Variants in UBASH3B observed in about 807,000 individuals in gnomAD.
UBASH3B encodes ubiquitin-associated and SH3 domain-containing protein B.
A neutral mutation model predicts 83.4 loss-of-function variants in UBASH3B; 37 were observed. The observed-to-expected ratio is 0.44, with a 90% CI of 0.34 to 0.58. The LOEUF is 0.58. Among genes scored for constraint, UBASH3B ranks in the 20% least tolerant of loss-of-function variants. UBASH3B has a pLI of 0.01. For missense variants in UBASH3B, 657 were observed against 827.2 expected (o/e 0.79, Z 2.52); for synonymous variants, 304 against 318.3 (o/e 0.96, Z 0.48).
At chr11:122,786,121 C>T (rs1238604748) in intron 5 of UBASH3B, among the ~76,000 whole-genome samples, 1 of 152,108 alleles carries the variant, frequency 6.6e-6, no homozygotes, top group East Asian at 1.9e-4. Context: ...GCAATCTCGG[C>T]TCACTGCAAC....
chr11:122,715,727 C>T (rs1008097850), intron 1 of UBASH3B, among the ~76,000 whole-genome samples: 1 of 152,212 alleles, frequency 6.6e-6, no homozygotes, highest in African/African-American at 2.4e-5. Flanking sequence ...AAAATCCAAA[C>T]ATCCAGCAGA....
At chr11:122,682,103 C>G (rs1863748518) in intron 1 of UBASH3B, among the ~76,000 whole-genome samples, 1 of 152,226 alleles carries the variant, frequency 6.6e-6, no homozygotes, top group Non-Finnish European at 1.5e-5. Flanking sequence ...TCGGAGGGAT[C>G]ACTGCGAGGA....
chr11:122,756,264 A>G (rs1861281459), intron 1 of UBASH3B, among the ~76,000 whole-genome samples: 1 of 152,236 alleles, frequency 6.6e-6, no homozygotes. Flanking sequence ...ACATCTCGAT[A>G]ATTAGAGCCA....
chr11:122,751,534 A>G (rs1861199630), intron 1 of UBASH3B, among the ~76,000 whole-genome samples: 1 of 152,180 alleles, frequency 6.6e-6, no homozygotes, highest in Non-Finnish European at 1.5e-5. Context: ...AGCCTACCCT[A>G]TAATTAGGTG....
In UBASH3B at chr11:122,758,394, G is replaced by C. The variant is rs540121191; in HGVS notation, c.162-17825G>C. 5.7e-4 allele frequency among the ~76,000 whole-genome samples: 87 copies of C among 152,332 alleles called. No homozygotes were observed. The highest frequency in any genetic ancestry group is 2.3e-3 in the South Asian group (11 of 4,826). On this transcript the variant is annotated intron_variant, in intron 1 of 13. Transcript: ENST00000284273. The surrounding 1 kb of genome is among the most constrained non-coding windows in gnomAD (Gnocchi z 4.2). ...CAGAGTAGAATTTCCTGAGATTTCA[G>C]CTGCAGAGTAAGCCTCCAGAGCATC...
chr11:122,807,691 C>G (rs1861365137), intron 12 of UBASH3B, among the ~76,000 whole-genome samples: 1 of 152,058 alleles, frequency 6.6e-6, no homozygotes, highest in Non-Finnish European at 1.5e-5. Flanking sequence ...GCTGGGACTG[C>G]AGGCACAGGC....
At position 122,777,056 on chromosome 11, in the gene UBASH3B, A is replaced by C; in HGVS notation, c.248A>C (p.Asp83Ala). The change falls in exon 3 of 14, where the codon GAT (aspartate) becomes GCT (alanine). Residue 83 changes from aspartate (D) to alanine (A), a missense_variant. Around this residue, in one of 3 missense-constraint regions of UBASH3B, gnomAD observed 573 missense variants for 739.0 expected, o/e 0.78. Coordinates refer to ENST00000284273, the MANE Select transcript of UBASH3B (RefSeq NM_032873.5). ...LFSHVGDPFL[D>A]DPLPREYVLY... Reference sequence around the variant, plus strand: ...TCCCATGTCGGTGACCCCTTCCTGGATGACCCCCTGCCCCGGGAGTACGTC... The same window carrying C: ...TCCCATGTCGGTGACCCCTTCCTGGCTGACCCCCTGCCCCGGGAGTACGTC... 1 of 1,612,680 alleles carries C rather than the reference A, an allele frequency of 6.2e-7. No individual in the cohort carries two copies. Among genetic ancestry groups the C allele is most frequent in the Non-Finnish European group, 8.5e-7 (1 of 1,179,404 alleles).
At chr11:122,750,567 A>C (rs1361933435) in intron 1 of UBASH3B, among the ~76,000 whole-genome samples, 1 of 152,228 alleles carries the variant, frequency 6.6e-6, no homozygotes, top group Admixed American at 6.5e-5. Flanking sequence ...AAAAAGAATT[A>C]TTTCCAAAGG....
At chr11:122,794,856 A>G in intron 7 of UBASH3B, 22 bp downstream of exon 7, 1 of 1,612,664 alleles carries the variant, frequency 6.2e-7, no homozygotes, top group Non-Finnish European at 8.5e-7. Flanking sequence ...TGCTAGGGTC[A>G]CACCCCCAAC....
At chr11:122,776,959 T>C (rs1860746143) in intron 2 of UBASH3B, 65 bp from the exon 3 acceptor site, 1 of 1,454,980 alleles carries the variant, frequency 6.9e-7, no homozygotes. Context: ...GATCTGTCTC[T>C]CAGTTCTTTT....
At chr11:122,803,488 A>G (rs533316869) in intron 11 of UBASH3B, among the ~76,000 whole-genome samples, 1 of 152,290 alleles carries the variant, frequency 6.6e-6, no homozygotes, top group South Asian at 2.1e-4. Flanking sequence ...GAAGCTAACC[A>G]GGCTGGTGAC....
At chr11:122,729,395 T>G (rs1319567380) in intron 1 of UBASH3B, among the ~76,000 whole-genome samples, 1 of 152,114 alleles carries the variant, frequency 6.6e-6, no homozygotes, top group African/African-American at 2.4e-5. Context: ...CCTGCTGAAG[T>G]CAGGACCTTC....
rs1861339624 is a variant in UBASH3B at position 122,806,341 on chromosome 11, T to C, written c.1596-69T>C. The C allele has an allele frequency of 1.5e-6, 2 of 1,335,096 alleles. No homozygotes were observed. Among genetic ancestry groups the C allele is most frequent in the East Asian group, 4.7e-5 (2 of 42,408 alleles). The allele number at this position is 1,335,096 out of a possible 1,614,324, so 82.7% of individuals were successfully genotyped here. A position where few individuals can be genotyped will look rare whatever the true frequency, so the allele number is the denominator to read the frequency against. ...TTAGAAATGCCTTGAAATAAAAGTT[T>C]AGAGTGATATCTTCCTTTGTCTCAA... On this transcript the variant is annotated intron_variant, in intron 11 of 13. Transcript: ENST00000284273. This position sits in a 1 kb window ranked among gnomAD's most constrained non-coding sequence, Gnocchi z 4.0.
intron 1 of UBASH3B, among the ~76,000 whole-genome samples, chr11:122,748,221 C>T (rs1230789433): frequency 6.6e-6 from 1 of 152,264 alleles, no homozygotes; most frequent in Non-Finnish European, 1.5e-5. Context: ...TGGACAACTT[C>T]AGACCGTCAT....
intron 11 of UBASH3B, among the ~76,000 whole-genome samples, chr11:122,805,823 T>C: frequency 6.6e-6 from 1 of 152,174 alleles, no homozygotes. Context: ...ATCAATAACC[T>C]CTTCACCCCA....
chr11:122,655,881 A>C lies in UBASH3B; in HGVS notation c.-169A>C. On this transcript the variant is annotated 5_prime_UTR_variant, in exon 1 of 14. Coordinates refer to ENST00000284273, the MANE Select transcript of UBASH3B (RefSeq NM_032873.5). Reference sequence around the variant, plus strand: ...TCTGGCTCCTGTGGCCTCACCAGGAAGCGTCAGAGTCCCGACACTGGGGAA... The same window carrying C: ...TCTGGCTCCTGTGGCCTCACCAGGACGCGTCAGAGTCCCGACACTGGGGAA... 1 of 704,170 alleles carries C rather than the reference A, an allele frequency of 1.4e-6. No homozygotes were observed. Among genetic ancestry groups the C allele is most frequent in the Non-Finnish European group, 2.2e-6 (1 of 464,994 alleles). 43.6% of individuals were successfully genotyped at this position (704,170 alleles called of 1,614,324 possible).
chr11:122,768,470 ATGTGTGTGTGTGTGTGTG>A (rs568912747), intron 1 of UBASH3B, among the ~76,000 whole-genome samples: 13 of 140,076 alleles, frequency 9.3e-5, no homozygotes, highest in African/African-American at 3.5e-4. Flanking sequence ...ATATATATGT[ATGTGTGTGTGTGTGTGTG>A]TGTGTGTGTG....
chr11:122,774,106 G>A (rs556216839), intron 1 of UBASH3B: 1 of 985,224 alleles, frequency 1.0e-6, no homozygotes, highest in Admixed American at 6.1e-5. Context: ...AGTAAGTCGT[G>A]AGGAAACAGA....
intron 1 of UBASH3B, among the ~76,000 whole-genome samples, chr11:122,681,186 A>G (rs946476447): frequency 6.6e-5 from 10 of 152,258 alleles, no homozygotes; most frequent in Non-Finnish European, 7.3e-5. Context: ...ACTTAAAAGC[A>G]TAATAGAATG....
Sources: allele counts gnomAD v4.1 joint callset (sites outside exome capture counted in the v4.1 genomes callset), GRCh38; gene constraint gnomAD v4.1.1; regional missense constraint gnomAD v4.1.1; non-coding constraint Gnocchi (gnomAD v3.1); transcripts MANE v1.5; gene names NCBI Gene and HGNC (gene_info 2026-07-23, HGNC 2026-07-21).